CENPI: variants seen among roughly 807,000 people sequenced by gnomAD.
The protein encoded by CENPI is FSH primary response 1.
In CENPI, 4 loss-of-function variants were observed where a neutral mutation model predicts 60.4. The observed-to-expected ratio is 0.07, with a 90% CI of 0.03 to 0.15. The LOEUF (loss-of-function observed/expected upper bound fraction) is 0.15. CENPI is among the 10% of genes least tolerant of loss of function. The pLI, the probability that CENPI is intolerant of heterozygous loss-of-function variation, is 1.00. For missense variants in CENPI, 444 were observed against 534.5 expected, an observed-to-expected ratio of 0.83 and a Z score of 1.67; for synonymous variants, 157 against 189.4, an observed-to-expected ratio of 0.83 and a Z score of 1.40.
intron 4 of CENPI, among the ~76,000 whole-genome samples, chrX:101,102,789 C>T (rs2089436424): frequency 9.2e-6 from 1 of 108,557 alleles, no homozygotes. Flanking sequence ...AAGCAATTCT[C>T]CTGCCTCAGC....
intron 6 of CENPI, among the ~76,000 whole-genome samples, chrX:101,119,104 C>G (rs868769035): frequency 9.0e-6 from 1 of 111,352 alleles, no homozygotes; most frequent in African/African-American, 3.3e-5. Context: ...CGCTTGAACC[C>G]GGGAGGCGGA....
At chrX:101,158,518 C>T (rs183674917) in intron 20 of CENPI, among the ~76,000 whole-genome samples, 16,574 of 109,827 alleles carry the variant, frequency 0.15, 1,184 homozygotes, top group Non-Finnish European at 0.22. Context: ...CACAGGTGAC[C>T]CACCTGCCTC....
chrX:101,150,422 G>A (rs889369016), intron 20 of CENPI, among the ~76,000 whole-genome samples: 5 of 109,483 alleles, frequency 4.6e-5, no homozygotes, highest in African/African-American at 1.7e-4. Flanking sequence ...CCAGGATGGA[G>A]TGCAGTGTCG....
At chrX:101,162,471 A>C (rs55755533) in intron 21 of CENPI, among the ~76,000 whole-genome samples, 1 of 76,312 alleles carries the variant, frequency 1.3e-5, no homozygotes, top group African/African-American at 5.9e-5. Flanking sequence ...AAAAAAAAAA[A>C]AAATATATAT....
In CENPI at chrX:101,127,514, C is replaced by T. The variant is rs927642824; in HGVS notation, c.923C>T (p.Ser308Leu). 4 of 1,178,307 alleles carry T rather than the reference C, an allele frequency of 3.4e-6. No homozygotes were observed. Among genetic ancestry groups the T allele is most frequent in the East Asian group, 3.0e-5 (1 of 33,397 alleles). Residue 308 changes from serine (S) to leucine (L), a missense_variant, in exon 11 of 22, where the codon TCA becomes TTA. Coordinates refer to ENST00000682095, the MANE Select transcript of CENPI (RefSeq NM_001386188.2). Reference sequence around the variant, plus strand: ...TTTCTTCAGAAGTGGAATTCTCTCTCAGTTATACCAGTGCTCAATTCCAGT... The same window carrying T: ...TTTCTTCAGAAGTGGAATTCTCTCTTAGTTATACCAGTGCTCAATTCCAGT... ...RPLKRKWNSL[S>L]VIPVLNSSSY...
intron 4 of CENPI, among the ~76,000 whole-genome samples, chrX:101,104,701 TA>T (rs77304379): frequency 0.43 from 46,914 of 107,993 alleles, 7,674 homozygotes; most frequent in Middle Eastern, 0.51. Flanking sequence ...TACAAAATGT[TA>T]AAAAAAAATT....
chrX:101,168,491 G>A (rs1447084544), downstream of CENPI, among the ~76,000 whole-genome samples: 5 of 111,778 alleles, frequency 4.5e-5, no homozygotes, highest in Admixed American at 1.9e-4. Flanking sequence ...GCTTGAACCC[G>A]GGAGGTGGAG....
the CENPI span, among the ~76,000 whole-genome samples, chrX:101,177,813 C>T: frequency 8.9e-6 from 1 of 111,973 alleles, no homozygotes; most frequent in Non-Finnish European, 1.9e-5. Flanking sequence ...CTTTAGCCCT[C>T]GTGGCACAGT....
At chrX:101,121,632 A>G (rs756444041) in intron 8 of CENPI, among the ~76,000 whole-genome samples, 39 of 110,283 alleles carry the variant, frequency 3.5e-4, no homozygotes, top group Non-Finnish European at 5.7e-4. Context: ...TTAAGTAGGC[A>G]AAGAAGGGAG....
chrX:101,100,252 T>C (rs1322883342), intron 2 of CENPI, among the ~76,000 whole-genome samples: 1 of 111,819 alleles, frequency 8.9e-6, no homozygotes, highest in Non-Finnish European at 1.9e-5. Context: ...TGGGAATATT[T>C]GTCTCCTGAA....
At chrX:101,133,317 A>ATTTTTTTTTTTTTTTTTTTTTTTTT (rs750307029) in intron 15 of CENPI, among the ~76,000 whole-genome samples, 1 of 77,017 alleles carries the variant, frequency 1.3e-5, no homozygotes, top group South Asian at 6.2e-4. Flanking sequence ...TTCAGTTTGA[A>ATTTTTTTTTTTTTTTTTTTTTTTTT]TTTTTTTTTT....
chrX:101,134,292 T>G (rs1186375322), intron 15 of CENPI, among the ~76,000 whole-genome samples: 1 of 110,900 alleles, frequency 9.0e-6, no homozygotes, highest in Non-Finnish European at 1.9e-5. Flanking sequence ...CATGGATAGG[T>G]GGATATATAG....
chrX:101,140,872 T>C, intron 16 of CENPI, 112 bp downstream of exon 16: 3 of 486,847 alleles, frequency 6.2e-6, no homozygotes, highest in Non-Finnish European at 1.1e-5. Context: ...GTAGTACTTT[T>C]TTGGAAGACT....
intron 15 of CENPI, among the ~76,000 whole-genome samples, chrX:101,135,668 A>G (rs1217530298): frequency 8.9e-6 from 1 of 111,931 alleles, no homozygotes; most frequent in African/African-American, 3.2e-5. Flanking sequence ...ATCTTAAGGC[A>G]ATTTTTTTCC....
At chrX:101,100,382 G>C (rs1203025753) in intron 2 of CENPI, 2 of 110,978 alleles carry the variant, frequency 1.8e-5, no homozygotes, top group Non-Finnish European at 3.8e-5. Context: ...AATAGGAGTG[G>C]AGAAAGTAAG....
chrX:101,181,839 T>C, the CENPI span, among the ~76,000 whole-genome samples: 1 of 112,255 alleles, frequency 8.9e-6, no homozygotes, highest in Non-Finnish European at 1.9e-5. Context: ...ATGAGGAGAG[T>C]GAACATCCCT....
chrX:101,168,405 A>C (rs1412964996), downstream of CENPI, among the ~76,000 whole-genome samples: 1 of 111,646 alleles, frequency 9.0e-6, no homozygotes, highest in East Asian at 2.8e-4. Flanking sequence ...GTCTCTACTA[A>C]AAATGCAAAA....
At chrX:101,125,342 T>C (rs1025627396) in intron 8 of CENPI, among the ~76,000 whole-genome samples, 5 of 111,995 alleles carry the variant, frequency 4.5e-5, no homozygotes, top group African/African-American at 1.6e-4. Flanking sequence ...CATATGCTGT[T>C]ATCTCCTCTC....
chrX:101,171,900 CAAAAT>C, the CENPI span, among the ~76,000 whole-genome samples: 3 of 111,378 alleles, frequency 2.7e-5, no homozygotes, highest in Non-Finnish European at 1.9e-5. Flanking sequence ...GAGGTGGAAA[CAAAAT>C]GAGAGGAAAT....
Sources: allele counts gnomAD v4.1 joint callset (sites outside exome capture counted in the v4.1 genomes callset), GRCh38; gene constraint gnomAD v4.1.1; transcripts MANE v1.5; gene names NCBI Gene and HGNC (gene_info 2026-07-23, HGNC 2026-07-21).